The following MAD1L1 variants were observed in gnomAD, a reference collection of about 807,000 sequenced individuals.
The protein encoded by MAD1L1 is mitotic spindle assembly checkpoint protein MAD1.
A neutral mutation model predicts 96.9 loss-of-function variants in MAD1L1; 95 were observed. That is an observed-to-expected ratio of 0.98 (90% CI 0.83 to 1.16). The LOEUF (loss-of-function observed/expected upper bound fraction) is 1.16, where lower values mean the gene tolerates loss of function less well. Ranked by LOEUF, MAD1L1 falls within the 50% of genes most tolerant of loss-of-function variation. MAD1L1 has a pLI of 0.00. For synonymous variants in MAD1L1, 473 were observed against 396.6 expected (o/e 1.19, Z -2.29); for missense variants, 1,007 against 954.4 (o/e 1.06, Z -0.73).
chr7:1,969,775 C>T (rs1780325259), intron 15 of MAD1L1, among the ~76,000 whole-genome samples: 1 of 152,182 alleles, frequency 6.6e-6, no homozygotes, highest in South Asian at 2.1e-4. Context: ...ATAACAGCAT[C>T]AAAAAGAACA....
chr7:2,232,902 C>CGCT lies in MAD1L1; in HGVS notation c.-223_-221dup, dbSNP rs1245575008. ...CCGCTCGCAGCCAGCTTGCCGCCGC[C>CGCT]GCTCGGATCTCCCTCCGCTCCGCCG... On this transcript the variant is annotated 5_prime_UTR_variant, in exon 1 of 19. Coordinates refer to ENST00000265854, the MANE Select transcript of MAD1L1 (RefSeq NM_001013836.2). 6.6e-6 allele frequency: 1 copy of CGCT among 152,282 alleles called. No individual in the cohort carries two copies. The allele number at this position is 152,282 out of a possible 1,614,324, so 9.4% of individuals were successfully genotyped here.
At chr7:1,822,584 C>T (rs1333390605) in intron 18 of MAD1L1, among the ~76,000 whole-genome samples, 1 of 151,786 alleles carries the variant, frequency 6.6e-6, no homozygotes, top group Non-Finnish European at 1.5e-5. Context: ...CGCACCACCA[C>T]TCATGGCTGT....
chr7:2,201,408 C>G (rs985950715), intron 10 of MAD1L1, among the ~76,000 whole-genome samples: 2 of 152,092 alleles, frequency 1.3e-5, no homozygotes, highest in South Asian at 2.1e-4. Flanking sequence ...CGTGGACACC[C>G]TGGGAGCCCC....
At chr7:2,223,178 G>C (rs934507458) in intron 4 of MAD1L1, among the ~76,000 whole-genome samples, 1 of 152,170 alleles carries the variant, frequency 6.6e-6, no homozygotes, top group South Asian at 2.1e-4. Context: ...CTCCCCCAGC[G>C]AGCAGACAAC....
intron 18 of MAD1L1, among the ~76,000 whole-genome samples, chr7:1,839,739 C>G (rs1783141734): frequency 6.6e-6 from 1 of 152,080 alleles, no homozygotes; most frequent in Admixed American, 6.5e-5. Flanking sequence ...GAACATCCCC[C>G]CCGCCTCCCC....
Position 2,225,416 on chromosome 7 carries a change from G to A in MAD1L1, c.285C>T (p.Asn95=). The A allele has an allele frequency of 6.2e-7, 1 of 1,613,988 alleles. No individual in the cohort carries two copies. Among genetic ancestry groups the A allele is most frequent in the Non-Finnish European group, 8.5e-7 (1 of 1,180,006 alleles). Reference sequence around the variant, plus strand: ...TCGCCCCGCCTGAACCCACCTCGTAGTTCCTGGCACTGGTGCTGGCTGCTC... The same window carrying A: ...TCGCCCCGCCTGAACCCACCTCGTAATTCCTGGCACTGGTGCTGGCTGCTC... ...LERAASTSAR[N]YEREVDRNQE... Residue 95 remains asparagine (N), a synonymous_variant, in exon 4 of 19, where the codon AAC becomes AAT. Transcript: ENST00000265854.
At chr7:2,196,218 G>T (rs1426136309) in intron 10 of MAD1L1, among the ~76,000 whole-genome samples, 3 of 152,208 alleles carry the variant, frequency 2.0e-5, no homozygotes, top group Admixed American at 2.0e-4. Flanking sequence ...TTATCAACAG[G>T]CTTTGTCAAC....
intron 11 of MAD1L1, among the ~76,000 whole-genome samples, chr7:2,070,642 G>A (rs1452379365): frequency 1.3e-5 from 2 of 152,256 alleles, no homozygotes; most frequent in Non-Finnish European, 2.9e-5. Flanking sequence ...CGACTCTATT[G>A]AGTACCACAA....
chr7:2,168,376 C>A (rs577306612), intron 10 of MAD1L1, among the ~76,000 whole-genome samples: 8 of 152,172 alleles, frequency 5.3e-5, no homozygotes, highest in Non-Finnish European at 8.8e-5. Flanking sequence ...AGGACTTTAA[C>A]GAACAGAAAC....
intron 11 of MAD1L1, among the ~76,000 whole-genome samples, chr7:2,083,803 T>C (rs1036981105): frequency 2.6e-5 from 4 of 152,234 alleles, no homozygotes; most frequent in Non-Finnish European, 5.9e-5. Context: ...TTCCTGATAC[T>C]GCAGGAGCGC....
chr7:1,978,095 A>G (rs1366923664), intron 15 of MAD1L1, among the ~76,000 whole-genome samples: 2 of 152,192 alleles, frequency 1.3e-5, no homozygotes, highest in African/African-American at 2.4e-5. Context: ...GTGCCTCCAG[A>G]GGCCCTTTCT....
chr7:2,055,074 G>A (rs904068578), intron 12 of MAD1L1, among the ~76,000 whole-genome samples: 24 of 152,226 alleles, frequency 1.6e-4, no homozygotes, highest in Non-Finnish European at 1.8e-4. Flanking sequence ...CACAAAGGGC[G>A]GGGGCAGCAG....
At chr7:1,978,079 G>A (rs139930338) in intron 15 of MAD1L1, among the ~76,000 whole-genome samples, 1,704 of 152,334 alleles carry the variant, frequency 0.011, 20 homozygotes, top group Middle Eastern at 0.082. Context: ...CTCCCCCTGC[G>A]CCCGCGTGCC....
chr7:1,820,508 T>C (rs924111313), intron 18 of MAD1L1, among the ~76,000 whole-genome samples: 2 of 152,070 alleles, frequency 1.3e-5, no homozygotes, highest in Non-Finnish European at 2.9e-5. Flanking sequence ...GGCTCACACC[T>C]GTAATCTTTG....
At chr7:2,126,836 G>T (rs73037232) in intron 11 of MAD1L1, among the ~76,000 whole-genome samples, 197 of 152,286 alleles carry the variant, frequency 1.3e-3, no homozygotes, top group Non-Finnish European at 2.1e-3. Flanking sequence ...CCATGGGTCG[G>T]GCTTCATTAG....
intron 15 of MAD1L1, 131 bp downstream of exon 15, chr7:1,980,322 T>C (rs2128483757): frequency 4.1e-6 from 3 of 729,030 alleles, no homozygotes; most frequent in South Asian, 1.8e-5. Context: ...CACCTGGGCG[T>C]ATCCGCCTCC....
intron 11 of MAD1L1, among the ~76,000 whole-genome samples, chr7:2,127,339 T>C (rs1301189165): frequency 6.6e-6 from 1 of 151,918 alleles, no homozygotes; most frequent in Non-Finnish European, 1.5e-5. Flanking sequence ...CAGGAGGCTG[T>C]AGAGTGGGGC....
intron 10 of MAD1L1, among the ~76,000 whole-genome samples, chr7:2,188,084 T>C (rs1791545957): frequency 1.3e-5 from 2 of 152,216 alleles, no homozygotes; most frequent in African/African-American, 2.4e-5. Context: ...ATTCAGTGCG[T>C]CGATATTTTC....
intron 10 of MAD1L1, among the ~76,000 whole-genome samples, chr7:2,182,240 G>A (rs1286153780): frequency 6.6e-6 from 1 of 151,348 alleles, no homozygotes; most frequent in Admixed American, 6.6e-5. Flanking sequence ...TTAAATTATG[G>A]TATATCCATC....
Sources: gnomAD v4.1 joint callset for allele counts (sites outside exome capture counted in the v4.1 genomes callset) on GRCh38, gnomAD v4.1.1 for gene constraint, MANE v1.5 for transcripts, NCBI Gene and HGNC (gene_info 2026-07-23, HGNC 2026-07-21) for gene names.